CAMKMT: variants seen among roughly 807,000 people sequenced by gnomAD.
The protein encoded by CAMKMT is calmodulin-lysine N-methyltransferase.
A neutral mutation model predicts 48.0 loss-of-function variants in CAMKMT; 53 were observed. The ratio of observed to expected loss-of-function variants is 1.10; its 90% confidence interval spans 0.89 to 1.39. The LOEUF is 1.39. Among genes scored for constraint, CAMKMT ranks in the 40% most tolerant of loss-of-function variants. The pLI, the probability that CAMKMT is intolerant of heterozygous loss-of-function variation, is 0.00. For synonymous variants in CAMKMT, 165 were observed against 152.3 expected (o/e 1.08, Z -0.61); for missense variants, 428 against 402.7 (o/e 1.06, Z -0.54).
intron 3 of CAMKMT, among the ~76,000 whole-genome samples, chr2:44,577,825 A>G (rs1669316738): frequency 2.0e-5 from 3 of 152,110 alleles, no homozygotes; most frequent in African/African-American, 7.2e-5. Context: ...CCAATTAAAT[A>G]TATTTTCCAA....
intron 1 of CAMKMT, 109 bp downstream of exon 1, chr2:44,362,254 T>C (rs1677953157): frequency 8.6e-6 from 9 of 1,045,468 alleles, no homozygotes; most frequent in Non-Finnish European, 1.2e-5. Context: ...GGGAGACCCT[T>C]CTCAGTTTGC....
chr2:44,464,955 G>A (rs1668034261), intron 3 of CAMKMT, among the ~76,000 whole-genome samples: 2 of 152,148 alleles, frequency 1.3e-5, no homozygotes, highest in South Asian at 4.1e-4. Flanking sequence ...CTGTTATGAA[G>A]TGCATAAATC....
intron 3 of CAMKMT, chr2:44,456,692 A>C (rs1260604915): frequency 2.3e-5 from 30 of 1,291,918 alleles, no homozygotes; most frequent in Non-Finnish European, 2.9e-5. Context: ...AAGGCATCCT[A>C]CCTCTGCTTG....
intron 3 of CAMKMT, among the ~76,000 whole-genome samples, chr2:44,694,813 A>G (rs866342323): frequency 6.6e-6 from 1 of 152,226 alleles, no homozygotes; most frequent in Non-Finnish European, 1.5e-5. Flanking sequence ...AAATGACCAT[A>G]GATATGCAAG....
At chr2:44,573,336 T>A (rs1457421669) in intron 3 of CAMKMT, among the ~76,000 whole-genome samples, 2 of 152,102 alleles carry the variant, frequency 1.3e-5, no homozygotes, top group Non-Finnish European at 2.9e-5. Flanking sequence ...TAATGTCTTG[T>A]TAGATATATG....
chr2:44,493,029 G>A (rs753855670), intron 3 of CAMKMT, among the ~76,000 whole-genome samples: 1 of 151,874 alleles, frequency 6.6e-6, no homozygotes, highest in Non-Finnish European at 1.5e-5. Flanking sequence ...GAGTAGCTGG[G>A]ATTACAGGCA....
intron 3 of CAMKMT, among the ~76,000 whole-genome samples, chr2:44,702,767 G>A (rs1677323705): frequency 6.6e-6 from 1 of 152,196 alleles, no homozygotes; most frequent in Non-Finnish European, 1.5e-5. Context: ...AGAGGCTGAG[G>A]TAGTGTGTAC....
At chr2:44,720,512 A>C (rs910902084) in intron 7 of CAMKMT, among the ~76,000 whole-genome samples, 1 of 152,330 alleles carries the variant, frequency 6.6e-6, no homozygotes, top group Middle Eastern at 3.4e-3. Flanking sequence ...GGAGTTCTTC[A>C]CTTAAAAATA....
chr2:44,599,736 C>A (rs185379771), intron 3 of CAMKMT, among the ~76,000 whole-genome samples: 15 of 151,114 alleles, frequency 9.9e-5, no homozygotes, highest in Admixed American at 9.9e-4. Context: ...AATCTGGGTT[C>A]TAACATGTTT....
chr2:44,536,014 G>A (rs1666752486), intron 3 of CAMKMT, among the ~76,000 whole-genome samples: 1 of 152,158 alleles, frequency 6.6e-6, no homozygotes, highest in African/African-American at 2.4e-5. Context: ...ATTCAGTAAA[G>A]TTGCAGGATA....
intron 2 of CAMKMT, among the ~76,000 whole-genome samples, chr2:44,383,179 T>A (rs1680429239): frequency 6.6e-6 from 1 of 152,064 alleles, no homozygotes; most frequent in Admixed American, 6.6e-5. Flanking sequence ...TAGTTTTATT[T>A]TTTGAGGCAG....
At chr2:44,726,857 C>T (rs1678816432) in intron 7 of CAMKMT, among the ~76,000 whole-genome samples, 1 of 152,178 alleles carries the variant, frequency 6.6e-6, no homozygotes, top group Admixed American at 6.5e-5. Flanking sequence ...TATCTCAGCA[C>T]CATTTATTGA....
intron 3 of CAMKMT, among the ~76,000 whole-genome samples, chr2:44,477,098 A>C (rs1221770972): frequency 6.6e-6 from 1 of 152,220 alleles, no homozygotes; most frequent in African/African-American, 2.4e-5. Flanking sequence ...CATTGTAGGC[A>C]TGTATTACCA....
chr2:44,704,344 G>C lies in CAMKMT; in HGVS notation c.437+1G>C. On this transcript the variant is annotated splice_donor_variant, in intron 4 of 10. Coordinates refer to ENST00000378494, the MANE Select transcript of CAMKMT (RefSeq NM_024766.5). LOFTEE classifies it high-confidence loss of function. Reference sequence around the variant, plus strand: ...GCCTCAAGCACAATAATATATTCAGGTACAGAGCTGCACTTAAGATATTTT... The same window carrying C: ...GCCTCAAGCACAATAATATATTCAGCTACAGAGCTGCACTTAAGATATTTT... The C allele has an allele frequency of 2.5e-6, 4 of 1,588,238 alleles. No homozygotes were observed. Among genetic ancestry groups the C allele is most frequent in the Non-Finnish European group, 3.4e-6 (4 of 1,165,736 alleles).
chr2:44,726,992 C>T (rs1465754739), intron 7 of CAMKMT, among the ~76,000 whole-genome samples: 4 of 152,134 alleles, frequency 2.6e-5, no homozygotes, highest in Admixed American at 6.6e-5. Context: ...TATTTTTATA[C>T]CAGTACCAAG....
chr2:44,379,303 T>C lies in CAMKMT; in HGVS notation c.311+6415T>C, dbSNP rs76357715. ...CTGTATGGCTAATGTATTTTGTTTTTTTCATCAGTTGATGAACATTTGGAT... is the reference window on the plus strand; with the variant it reads ...CTGTATGGCTAATGTATTTTGTTTTCTTCATCAGTTGATGAACATTTGGAT... On this transcript the variant is annotated intron_variant, in intron 2 of 10. Transcript: ENST00000378494. Among the ~76,000 whole-genome samples the C allele has an allele frequency of 3.8e-3, 577 of 152,358 alleles. 3 individuals are homozygous for C. The highest frequency in any genetic ancestry group is 0.013 in the African/African-American group (555 of 41,576).
At chr2:44,526,550 T>C (rs933717683) in intron 3 of CAMKMT, among the ~76,000 whole-genome samples, 1 of 152,172 alleles carries the variant, frequency 6.6e-6, no homozygotes, top group African/African-American at 2.4e-5. Flanking sequence ...CTGTAAGTCC[T>C]GGTCTGAGTC....
At chr2:44,655,935 A>G (rs1228812517) in intron 3 of CAMKMT, among the ~76,000 whole-genome samples, 2 of 152,324 alleles carry the variant, frequency 1.3e-5, no homozygotes, top group Non-Finnish European at 2.9e-5. Flanking sequence ...GTGCTAACTA[A>G]AAGAGACATG....
At chr2:44,658,036 G>T (rs917521291) in intron 3 of CAMKMT, among the ~76,000 whole-genome samples, 6 of 152,140 alleles carry the variant, frequency 3.9e-5, no homozygotes, top group African/African-American at 1.4e-4. Context: ...TCAAAGGAAG[G>T]CTGTATTTTG....
Sources: gnomAD v4.1 joint callset for allele counts (sites outside exome capture counted in the v4.1 genomes callset) on GRCh38, gnomAD v4.1.1 for gene constraint, MANE v1.5 for transcripts, NCBI Gene and HGNC (gene_info 2026-07-23, HGNC 2026-07-21) for gene names.